Variants in SPOCK1 observed in about 807,000 individuals in gnomAD.
The protein encoded by SPOCK1 is SPARC (osteonectin), cwcv and kazal like domains proteoglycan 1.
SPOCK1 carries 23 observed loss-of-function variants against 55.3 expected under a neutral mutation model. That is an observed-to-expected ratio of 0.42 (90% CI 0.30 to 0.59). The LOEUF is 0.59. Among genes scored for constraint, SPOCK1 ranks in the 20% least tolerant of loss-of-function variants. The pLI, the probability that SPOCK1 is intolerant of heterozygous loss-of-function variation, is 0.22. For missense variants in SPOCK1, 499 were observed against 552.5 expected (o/e 0.90, Z 0.97); for synonymous variants, 226 against 221.0 (o/e 1.02, Z -0.20).
intron 2 of SPOCK1, among the ~76,000 whole-genome samples, chr5:137,348,097 C>A (rs1227026162): frequency 6.6e-6 from 1 of 152,102 alleles, no homozygotes; most frequent in East Asian, 1.9e-4. Flanking sequence ...GACAGCAGGG[C>A]CAAGTTTGTC....
At chr5:137,105,462 T>G (rs1429294403) in intron 5 of SPOCK1, among the ~76,000 whole-genome samples, 1 of 152,156 alleles carries the variant, frequency 6.6e-6, no homozygotes, top group Non-Finnish European at 1.5e-5. Context: ...CATAAAAGCC[T>G]TGGGAGACAG....
Position 136,985,228 on chromosome 5 carries a change from C to T in SPOCK1, c.929-26G>A, listed in dbSNP as rs772174010. 25 of 1,606,598 alleles carry T rather than the reference C, an allele frequency of 1.6e-5. No homozygotes were observed. In the South Asian group the frequency reaches 2.6e-4, roughly 17 times the overall value. On this transcript the variant is annotated intron_variant, in intron 8 of 10. Coordinates refer to ENST00000394945, the MANE Select transcript of SPOCK1 (RefSeq NM_004598.4). The stretch of plus-strand genomic sequence containing the variant: ...CTAAAAAATAATTTCTGAAAGTCAG[C>T]TTCCAGATGGTATGGAGTATAATCG...
chr5:137,242,659 G>A (rs933095131), intron 3 of SPOCK1, among the ~76,000 whole-genome samples: 1 of 152,168 alleles, frequency 6.6e-6, no homozygotes, highest in Non-Finnish European at 1.5e-5. Context: ...AATCACCTGA[G>A]CCCAGGAGGT....
At chr5:137,297,465 A>G (rs192586368) in intron 2 of SPOCK1, among the ~76,000 whole-genome samples, 1 of 152,340 alleles carries the variant, frequency 6.6e-6, no homozygotes, top group East Asian at 1.9e-4. Flanking sequence ...AAGGGTAGCT[A>G]CCTCTTAGTG....
chr5:137,153,087 C>T (rs2127045526), intron 3 of SPOCK1, among the ~76,000 whole-genome samples: 1 of 152,346 alleles, frequency 6.6e-6, no homozygotes, highest in African/African-American at 2.4e-5. Flanking sequence ...CTTGGGGGTT[C>T]AATAACTATT....
At chr5:137,139,477 G>A (rs1217936008) in intron 4 of SPOCK1, among the ~76,000 whole-genome samples, 2 of 151,986 alleles carry the variant, frequency 1.3e-5, no homozygotes, top group Non-Finnish European at 1.5e-5. Context: ...AGCATTGCTT[G>A]GACTTCAGGA....
intron 3 of SPOCK1, among the ~76,000 whole-genome samples, chr5:137,240,615 G>A (rs1246511716): frequency 1.3e-5 from 2 of 152,258 alleles, no homozygotes; most frequent in South Asian, 2.1e-4. Flanking sequence ...CACACAGGAA[G>A]ACAAACTCAC....
chr5:137,351,801 G>T (rs1003912183), intron 2 of SPOCK1, among the ~76,000 whole-genome samples: 1 of 152,188 alleles, frequency 6.6e-6, no homozygotes, highest in Non-Finnish European at 1.5e-5. Flanking sequence ...TTGTCATATA[G>T]ATCAGAATAG....
chr5:137,494,458 CTT>C (rs1022547375), intron 2 of SPOCK1, among the ~76,000 whole-genome samples: 7 of 152,292 alleles, frequency 4.6e-5, no homozygotes, highest in African/African-American at 1.4e-4. Context: ...GATCAAAAGA[CTT>C]AACCTCCCAG....
rs34828127 is a variant in SPOCK1 at position 137,301,636 on chromosome 5, C to CTTTTTTTTTTTTTTTTTT, written c.187-34599_187-34582dup. 2.1e-4 allele frequency among the ~76,000 whole-genome samples: 27 copies of CTTTTTTTTTTTTTTTTTT among 129,798 alleles called. 10 individuals are homozygous for CTTTTTTTTTTTTTTTTTT. The highest frequency in any genetic ancestry group is 2.1e-4 in the African/African-American group (7 of 33,756). 85.2% of individuals were successfully genotyped at this position (129,798 alleles called of 152,430 possible). ...ACATACTCATTAAGCATTTCGTCTC[C>CTTTTTTTTTTTTTTTTTT]TTTTTTTTTTTTTTTTTTTGAGTAT... On this transcript the variant is annotated intron_variant, in intron 2 of 10. Coordinates refer to ENST00000394945, the MANE Select transcript of SPOCK1 (RefSeq NM_004598.4).
Position 137,384,276 on chromosome 5 carries a change from T to A in SPOCK1, c.186+114097A>T, listed in dbSNP as rs561596959. On this transcript the variant is annotated intron_variant, in intron 2 of 10. Coordinates refer to ENST00000394945, the MANE Select transcript of SPOCK1 (RefSeq NM_004598.4). ...CTCACTTAGAATTGACAAGCAGAGCTGCCCAGTGGGACTCTGCCCAAAACA... is the reference window on the plus strand; with the variant it reads ...CTCACTTAGAATTGACAAGCAGAGCAGCCCAGTGGGACTCTGCCCAAAACA... 1.1e-4 allele frequency among the ~76,000 whole-genome samples: 17 copies of A among 152,330 alleles called. No homozygotes were observed. The South Asian group carries it at 3.5e-3, about 32-fold the overall frequency.
chr5:137,099,965 A>G (rs945896867), intron 5 of SPOCK1, among the ~76,000 whole-genome samples: 2 of 152,130 alleles, frequency 1.3e-5, no homozygotes, highest in Non-Finnish European at 2.9e-5. Flanking sequence ...CCCTACAACC[A>G]GGGATTTCCC....
In SPOCK1 at chr5:136,978,534, C is replaced by T. The variant is rs139206595; in HGVS notation, c.*120G>A. 5.2e-5 allele frequency: 54 copies of T among 1,030,612 alleles called. 1 individual carries two copies. The highest frequency in any genetic ancestry group is 2.2e-4 in the Middle Eastern group (1 of 4,610). The allele number at this position is 1,030,612 out of a possible 1,614,324, so 63.8% of individuals were successfully genotyped here. Reference sequence around the variant, plus strand: ...AGCAGTTGTCTTCCAAACCTTAGGTCGGGTATAGAGAGCAACAATGGAGAA... The same window carrying T: ...AGCAGTTGTCTTCCAAACCTTAGGTTGGGTATAGAGAGCAACAATGGAGAA... On this transcript the variant is annotated 3_prime_UTR_variant, in exon 11 of 11. Transcript: ENST00000394945.
chr5:137,290,814 A>G (rs1453036470), intron 2 of SPOCK1, among the ~76,000 whole-genome samples: 2 of 152,218 alleles, frequency 1.3e-5, no homozygotes, highest in Non-Finnish European at 2.9e-5. Flanking sequence ...ACAGTTAGGG[A>G]GAAGCGGGGC....
At chr5:137,327,592 G>C (rs748237111) in intron 2 of SPOCK1, among the ~76,000 whole-genome samples, 3 of 152,162 alleles carry the variant, frequency 2.0e-5, no homozygotes, top group Non-Finnish European at 2.9e-5. Context: ...TCTTTCAATG[G>C]TGTCTTGCTG....
At chr5:137,483,734 A>G (rs1753995756) in intron 2 of SPOCK1, among the ~76,000 whole-genome samples, 1 of 152,156 alleles carries the variant, frequency 6.6e-6, no homozygotes, top group Non-Finnish European at 1.5e-5. Context: ...TGCCAGTAGC[A>G]CACTCTCCAA....
chr5:137,178,728 T>G (rs1580792723), intron 3 of SPOCK1, among the ~76,000 whole-genome samples: 1 of 152,248 alleles, frequency 6.6e-6, no homozygotes, highest in East Asian at 1.9e-4. Context: ...AAATAAGAAA[T>G]GAAGATTTGT....
At chr5:136,992,833 G>A (rs1656487665) in intron 6 of SPOCK1, 5 of 411,420 alleles carry the variant, frequency 1.2e-5, no homozygotes, top group Admixed American at 4.2e-5. Context: ...AATTTGGATG[G>A]CCTCTGTGCT....
At chr5:137,223,946 A>T (rs1263061834) in intron 3 of SPOCK1, among the ~76,000 whole-genome samples, 1 of 152,222 alleles carries the variant, frequency 6.6e-6, no homozygotes, top group African/African-American at 2.4e-5. Flanking sequence ...CCTACTAAAT[A>T]ATAAGAGAAT....
Sources: allele counts gnomAD v4.1 joint callset (sites outside exome capture counted in the v4.1 genomes callset), GRCh38; gene constraint gnomAD v4.1.1; transcripts MANE v1.5; gene names NCBI Gene and HGNC (gene_info 2026-07-23, HGNC 2026-07-21).